The following STK32B variants were observed in gnomAD, a reference collection of about 807,000 sequenced individuals.
STK32B encodes the protein serine/threonine-protein kinase 32B.
In STK32B, 43 loss-of-function variants were observed where a neutral mutation model predicts 52.6. That is an observed-to-expected ratio of 0.82 (90% CI 0.64 to 1.05). The LOEUF is 1.05. Ranked by LOEUF, STK32B falls within the 50% of genes least tolerant of loss-of-function variation. The pLI is 0.00. For synonymous variants in STK32B, 238 were observed against 204.3 expected, an observed-to-expected ratio of 1.17 and a Z score of -1.41; for missense variants, 621 against 534.6, an observed-to-expected ratio of 1.16 and a Z score of -1.59.
chr4:5,250,653 G>C (rs1258604052), intron 3 of STK32B, among the ~76,000 whole-genome samples: 1 of 152,120 alleles, frequency 6.6e-6, no homozygotes, highest in Non-Finnish European at 1.5e-5. Context: ...ACTTTCCACA[G>C]TGACTAAACT....
intron 3 of STK32B, among the ~76,000 whole-genome samples, chr4:5,258,769 C>G (rs570515061): frequency 1.3e-5 from 2 of 152,296 alleles, no homozygotes; most frequent in African/African-American, 4.8e-5. Flanking sequence ...CCCTTTGCCC[C>G]TGTTAGTCAA....
chr4:5,174,059 C>T (rs1056987969), intron 3 of STK32B, among the ~76,000 whole-genome samples: 40 of 152,186 alleles, frequency 2.6e-4, no homozygotes, highest in African/African-American at 8.2e-4. Context: ...TATGTAATGG[C>T]CTTCTTTGTC....
rs201005619 is a variant in STK32B at position 5,168,273 on chromosome 4, T to G, written c.109-26T>G. On this transcript the variant is annotated intron_variant, in intron 2 of 11. Transcript: ENST00000282908. Reference sequence around the variant, plus strand: ...CTCCCTTTTCGATTGTTGGCCTGACTGTTCTCTCCTTTGGCTGTCGCTCAG... The same window carrying G: ...CTCCCTTTTCGATTGTTGGCCTGACGGTTCTCTCCTTTGGCTGTCGCTCAG... 1.9e-6 allele frequency: 3 copies of G among 1,593,548 alleles called. No individual in the cohort carries two copies. In the African/African-American group the frequency reaches 4.0e-5, roughly 21 times the overall value.
intron 4 of STK32B, among the ~76,000 whole-genome samples, chr4:5,331,942 C>T (rs1732281075): frequency 6.6e-6 from 1 of 152,146 alleles, no homozygotes; most frequent in African/African-American, 2.4e-5. Context: ...ACTTTGCCTG[C>T]AGAAGCTGGA....
intron 7 of STK32B, 88 bp downstream of exon 7, chr4:5,446,864 C>A (rs764298109): frequency 2.2e-6 from 3 of 1,349,796 alleles, no homozygotes; most frequent in African/African-American, 2.9e-5. Flanking sequence ...GCAGGGCCCG[C>A]GGTGCAGGAA....
At chr4:5,154,242 T>C (rs1345783713) in intron 2 of STK32B, among the ~76,000 whole-genome samples, 2 of 146,282 alleles carry the variant, frequency 1.4e-5, no homozygotes, top group Non-Finnish European at 3.0e-5. Context: ...CATGACAGAG[T>C]TTCGCTCTTG....
At chr4:5,234,870 C>A (rs186248096) in intron 3 of STK32B, among the ~76,000 whole-genome samples, 2 of 152,180 alleles carry the variant, frequency 1.3e-5, no homozygotes, top group Admixed American at 1.3e-4. Context: ...TTATGCCCAA[C>A]GAATTTGAAA....
intron 1 of STK32B, among the ~76,000 whole-genome samples, chr4:5,078,423 T>C (rs1456083444): frequency 6.6e-6 from 1 of 152,098 alleles, no homozygotes; most frequent in Non-Finnish European, 1.5e-5. Context: ...ACTGACATGA[T>C]ATGAAAAGAG....
intron 6 of STK32B, among the ~76,000 whole-genome samples, chr4:5,437,378 T>C (rs1015330488): frequency 6.6e-6 from 1 of 152,244 alleles, no homozygotes. Context: ...CTCTTTGAGC[T>C]TCCAGTAGCT....
chr4:5,405,323 C>T (rs533608431), intron 5 of STK32B, among the ~76,000 whole-genome samples: 9 of 151,910 alleles, frequency 5.9e-5, no homozygotes, highest in Non-Finnish European at 1.3e-4. Context: ...TAAGAGGAAC[C>T]TGGGCAGAGC....
chr4:5,137,011 G>T (rs993321403), intron 1 of STK32B, among the ~76,000 whole-genome samples: 1 of 152,160 alleles, frequency 6.6e-6, no homozygotes, highest in Admixed American at 6.5e-5. Context: ...GGGTGAGTGG[G>T]AATATTTACA....
At chr4:5,208,439 C>A (rs1285810806) in intron 3 of STK32B, among the ~76,000 whole-genome samples, 5 of 152,170 alleles carry the variant, frequency 3.3e-5, no homozygotes, top group Admixed American at 3.3e-4. Flanking sequence ...TTATTGAGTT[C>A]TTACTGCATA....
At chr4:5,097,907 A>G (rs1038146856) in intron 1 of STK32B, among the ~76,000 whole-genome samples, 1 of 152,352 alleles carries the variant, frequency 6.6e-6, no homozygotes, top group South Asian at 2.1e-4. Context: ...AACCTGGGCT[A>G]GGCTTAGATC....
chr4:5,333,137 C>T (rs1323938932), intron 4 of STK32B, among the ~76,000 whole-genome samples: 2 of 151,988 alleles, frequency 1.3e-5, no homozygotes, highest in African/African-American at 2.4e-5. Flanking sequence ...TCCTATTTCT[C>T]CACATCCTCT....
intron 7 of STK32B, 80 bp from the exon 8 acceptor site, chr4:5,456,727 A>T (rs943386473): frequency 8.0e-7 from 1 of 1,249,626 alleles, no homozygotes; most frequent in South Asian, 1.7e-5. Context: ...ACCATCCCTC[A>T]TAATCATACA....
intron 1 of STK32B, among the ~76,000 whole-genome samples, chr4:5,105,758 T>C (rs1242699258): frequency 1.3e-5 from 2 of 151,624 alleles, no homozygotes; most frequent in Non-Finnish European, 2.9e-5. Context: ...AGAGACAGGG[T>C]TTCACTGTGT....
rs1475277847 is a variant in STK32B at position 5,500,145 on chromosome 4, T to C, written c.*1062T>C. The C allele has an allele frequency of 6.6e-6, 1 of 152,210 alleles. No individual in the cohort carries two copies. Among genetic ancestry groups the C allele is most frequent in the Non-Finnish European group, 1.5e-5 (1 of 68,048 alleles). The allele number at this position is 152,210 out of a possible 1,614,324, so 9.4% of individuals were successfully genotyped here. A position where few individuals can be genotyped will look rare whatever the true frequency, so the allele number is the denominator to read the frequency against. On this transcript the variant is annotated 3_prime_UTR_variant, in exon 12 of 12. Transcript: ENST00000282908. Reference sequence around the variant, plus strand: ...AGAAGCTTGCCTTTGAACTGGAAGATGTTGGGATGAGCAGGGAAAGCTTAG... The same window carrying C: ...AGAAGCTTGCCTTTGAACTGGAAGACGTTGGGATGAGCAGGGAAAGCTTAG...
At chr4:5,321,984 A>G (rs970116157) in intron 3 of STK32B, among the ~76,000 whole-genome samples, 3 of 134,778 alleles carry the variant, frequency 2.2e-5, no homozygotes, top group African/African-American at 8.6e-5. Flanking sequence ...TGGCTTCAAG[A>G]CTCTTGTGCC....
At chr4:5,245,990 T>C (rs556188858) in intron 3 of STK32B, among the ~76,000 whole-genome samples, 8 of 152,176 alleles carry the variant, frequency 5.3e-5, no homozygotes, top group Non-Finnish European at 8.8e-5. Flanking sequence ...ACCTTTCTCT[T>C]TGGCTGCCCT....
Sources: gnomAD v4.1 joint callset for allele counts (sites outside exome capture counted in the v4.1 genomes callset) on GRCh38, gnomAD v4.1.1 for gene constraint, MANE v1.5 for transcripts, NCBI Gene and HGNC (gene_info 2026-07-23, HGNC 2026-07-21) for gene names.